CCNQ: variants seen among roughly 807,000 people sequenced by gnomAD.
CCNQ encodes the protein cyclin-Q.
A neutral mutation model predicts 17.7 loss-of-function variants in CCNQ; 3 were observed. That is an observed-to-expected ratio of 0.17 (90% CI 0.08 to 0.44). The LOEUF is 0.44. CCNQ is among the 20% of genes least tolerant of loss of function. CCNQ has a pLI of 0.99. For synonymous variants in CCNQ, 73 were observed against 96.0 expected (o/e 0.76, Z 1.40); for missense variants, 146 against 222.6 (o/e 0.66, Z 2.19).
At chrX:153,590,509 A>G (rs1368509300) in intron 4 of CCNQ, among the ~76,000 whole-genome samples, 1 of 109,680 alleles carries the variant, frequency 9.1e-6, no homozygotes, top group Non-Finnish European at 1.9e-5. Context: ...GGGTGCCAGG[A>G]GCTTGGGGGT....
chrX:153,594,372 G>A (rs1162362073), intron 3 of CCNQ, among the ~76,000 whole-genome samples, 175 bp downstream of exon 3: 3 of 113,077 alleles, frequency 2.7e-5, no homozygotes, highest in Non-Finnish European at 5.6e-5. Flanking sequence ...GGACGGGAGA[G>A]GCCGGGCGGC....
chrX:153,591,251 G>A lies in CCNQ; in HGVS notation c.657+1255C>T, dbSNP rs1289049099. 6.3e-5 allele frequency among the ~76,000 whole-genome samples: 7 copies of A among 111,996 alleles called. No homozygotes were observed. The East Asian group carries it at 1.1e-3, about 18-fold the overall frequency. Reference sequence around the variant, plus strand: ...CCGGAAGCTTCTGGTGCACAGCCCCGAGCTGGGAGGCAAAGGTCAGGTCAA... The same window carrying A: ...CCGGAAGCTTCTGGTGCACAGCCCCAAGCTGGGAGGCAAAGGTCAGGTCAA... On this transcript the variant is annotated intron_variant, in intron 4 of 4. Transcript: ENST00000576892.
chrX:153,590,983 G>T (rs1212511647), intron 4 of CCNQ, among the ~76,000 whole-genome samples: 3 of 112,327 alleles, frequency 2.7e-5, no homozygotes, highest in Non-Finnish European at 5.6e-5. Context: ...TGCTCATCTG[G>T]CAAGTCAGAG....
intron 4 of CCNQ, among the ~76,000 whole-genome samples, chrX:153,590,372 A>G (rs1465787583): frequency 9.1e-6 from 1 of 110,470 alleles, no homozygotes; most frequent in Non-Finnish European, 1.9e-5. Flanking sequence ...GGACATTCTG[A>G]GACGGGGGCT....
At chrX:153,591,606 C>G (rs782580299) in intron 4 of CCNQ, among the ~76,000 whole-genome samples, 33 of 111,483 alleles carry the variant, frequency 3.0e-4, no homozygotes, top group African/African-American at 1.0e-3. Context: ...GTTTGCCCCC[C>G]CCAGAGTCCA....
intron 2 of CCNQ, 135 bp from the exon 3 acceptor site, chrX:153,594,814 T>G: frequency 1.4e-6 from 1 of 699,612 alleles, no homozygotes; most frequent in Admixed American, 2.7e-5. Context: ...GGTCATTTTA[T>G]TTGGGTTTTT....
chrX:153,596,159 G>A lies in CCNQ; in HGVS notation c.141C>T (p.Pro47=), dbSNP rs782346152. ...AGVKLGMRSI[P]IATACTIYHK... The stretch of plus-strand genomic sequence containing the variant: ...GGTAAATGGTGCAAGCAGTGGCAAT[G>A]GGAATGGACCGCATCCCTAGCTTGA... Residue 47 remains proline, a synonymous_variant, in exon 2 of 5, where the codon CCC becomes CCT. Coordinates refer to ENST00000576892, the MANE Select transcript of CCNQ (RefSeq NM_152274.5). The A allele has an allele frequency of 4.9e-6, 6 of 1,212,319 alleles. No homozygotes were observed. In the East Asian group the frequency reaches 1.8e-4, roughly 36 times the overall value.
intron 2 of CCNQ, among the ~76,000 whole-genome samples, chrX:153,595,091 C>T (rs1287600555): frequency 4.4e-5 from 5 of 112,669 alleles, no homozygotes; most frequent in African/African-American, 6.4e-5. Flanking sequence ...TCACTCTGGG[C>T]CCAAGGAACG....
rs2091049779 is a variant in CCNQ at position 153,599,083 on chromosome X, C to T, written c.-10G>A. On this transcript the variant is annotated 5_prime_UTR_variant, in exon 1 of 5. Coordinates refer to ENST00000576892, the MANE Select transcript of CCNQ (RefSeq NM_152274.5). ...CCTCCGGGGCTTCCATGAGGCGCCG[C>T]GGCACCGGCGGAAGGAGAGGCGGCC... is the stretch of plus-strand genomic sequence containing the variant. 2.1e-6 allele frequency: 2 copies of T among 958,837 alleles called. No individual in the cohort carries two copies. Among genetic ancestry groups the T allele is most frequent in the Non-Finnish European group, 2.7e-6 (2 of 749,252 alleles). 79.0% of individuals were successfully genotyped at this position (958,837 alleles called of 1,213,427 possible). A position where few individuals can be genotyped will look rare whatever the true frequency, so the allele number is the denominator to read the frequency against.
intron 4 of CCNQ, among the ~76,000 whole-genome samples, chrX:153,590,489 G>A (rs782699228): frequency 9.9e-5 from 11 of 110,844 alleles, no homozygotes; most frequent in African/African-American, 3.6e-4. Flanking sequence ...GTAGAGGACA[G>A]TGGAAGGTTG....
intron 4 of CCNQ, among the ~76,000 whole-genome samples, chrX:153,590,858 G>C (rs2090986359): frequency 9.0e-6 from 1 of 111,698 alleles, no homozygotes; most frequent in African/African-American, 3.3e-5. Context: ...AAAGAGGCAG[G>C]TTCTCCTTCT....
At chrX:153,596,602 CAGCT>C (rs2148302680) in intron 1 of CCNQ, among the ~76,000 whole-genome samples, 1 of 112,763 alleles carries the variant, frequency 8.9e-6, no homozygotes, top group Non-Finnish European at 1.9e-5. Context: ...CCTTAGCAAA[CAGCT>C]AGCTAGAAGT....
At chrX:153,596,596 A>G (rs2091030138) in intron 1 of CCNQ, among the ~76,000 whole-genome samples, 1 of 112,742 alleles carries the variant, frequency 8.9e-6, no homozygotes, top group African/African-American at 3.2e-5. Flanking sequence ...GGTTCACCTT[A>G]GCAAACAGCT....
At chrX:153,593,561 A>G (rs372362840) in intron 3 of CCNQ, among the ~76,000 whole-genome samples, 41 of 111,583 alleles carry the variant, frequency 3.7e-4, no homozygotes, top group African/African-American at 1.3e-3. Context: ...CCACTAAGAC[A>G]CTACTGCGCA....
chrX:153,592,933 A>G (rs1260282231), intron 3 of CCNQ, among the ~76,000 whole-genome samples, 200 bp from the exon 4 acceptor site: 2 of 111,593 alleles, frequency 1.8e-5, no homozygotes, highest in Non-Finnish European at 3.8e-5. Flanking sequence ...GCACTTGCTG[A>G]GCCCTCTGCC....
chrX:153,590,651 G>T lies in CCNQ; in HGVS notation c.657+1855C>A, dbSNP rs113407065. Among the ~76,000 whole-genome samples, 610 of 112,209 alleles carry T rather than the reference G, an allele frequency of 5.4e-3. 7 individuals are homozygous for T. The highest frequency in any genetic ancestry group is 8.9e-3 in the Non-Finnish European group (473 of 53,228). ...CCTGGGCCGCACACTTAAAAATGGT[G>T]AACGTGGTACAATTTAGGTGATGTC... On this transcript the variant is annotated intron_variant, in intron 4 of 4. Coordinates refer to ENST00000576892, the MANE Select transcript of CCNQ (RefSeq NM_152274.5).
Position 153,597,724 on chromosome X carries a change from T to C in CCNQ, c.112+1238A>G, listed in dbSNP as rs1416710001. 6 of 111,831 alleles carry C rather than the reference T, an allele frequency of 5.4e-5. No homozygotes were observed. The Admixed American group carries it at 5.7e-4, about 11-fold the overall frequency. The allele number at this position is 111,831 out of a possible 1,213,427, so 9.2% of individuals were successfully genotyped here. A position where few individuals can be genotyped will look rare whatever the true frequency, so the allele number is the denominator to read the frequency against. ...TTAGCCTCCTACAAAGGACAAAGGA[T>C]TGTGTAATACATTTTATAAAGAAGT... On this transcript the variant is annotated intron_variant, in intron 1 of 4. Transcript: ENST00000576892.
chrX:153,597,044 G>A (rs2091033315), intron 1 of CCNQ, among the ~76,000 whole-genome samples: 1 of 112,025 alleles, frequency 8.9e-6, no homozygotes, highest in Admixed American at 9.4e-5. Context: ...TTCTACTTAG[G>A]GGTTAAAGCC....
At chrX:153,592,873 T>C (rs1160825874) in intron 3 of CCNQ, 140 bp from the exon 4 acceptor site, 1 of 571,484 alleles carries the variant, frequency 1.7e-6, no homozygotes, top group African/African-American at 2.3e-5. Flanking sequence ...GCTGGCCCCA[T>C]CTCCTGCCGA....
Sources: allele counts gnomAD v4.1 joint callset (sites outside exome capture counted in the v4.1 genomes callset), GRCh38; gene constraint gnomAD v4.1.1; transcripts MANE v1.5; gene names NCBI Gene and HGNC (gene_info 2026-07-23, HGNC 2026-07-21).